Variants in PRKAG2 observed in about 807,000 individuals in gnomAD.
PRKAG2 encodes the protein protein kinase AMP-activated non-catalytic subunit gamma 2.
In PRKAG2, 26 loss-of-function variants were observed where a neutral mutation model predicts 69.6. That is an observed-to-expected ratio of 0.37 (90% CI 0.27 to 0.52). The LOEUF is 0.52. PRKAG2 is among the 20% of genes least tolerant of loss of function. The pLI is 0.90. For missense variants in PRKAG2, 557 were observed against 740.0 expected (o/e 0.75, Z 2.87); for synonymous variants, 293 against 285.0 (o/e 1.03, Z -0.28).
At chr7:151,590,051 T>C (rs1035995691) in intron 6 of PRKAG2, among the ~76,000 whole-genome samples, 1 of 152,210 alleles carries the variant, frequency 6.6e-6, no homozygotes, top group African/African-American at 2.4e-5. Context: ...TCTTTGTCAG[T>C]GGGAAATCAG....
At chr7:151,782,442 A>G (rs2076768239) in intron 2 of PRKAG2, among the ~76,000 whole-genome samples, 1 of 151,944 alleles carries the variant, frequency 6.6e-6, no homozygotes, top group Non-Finnish European at 1.5e-5. Flanking sequence ...AGAAGGAAAG[A>G]AGGAAGTTAA....
chr7:151,569,584 T>A (rs748121582), intron 10 of PRKAG2, among the ~76,000 whole-genome samples: 1 of 152,264 alleles, frequency 6.6e-6, no homozygotes, highest in Non-Finnish European at 1.5e-5. Context: ...AAGGTTGTTA[T>A]ACCTTTTTGT....
intron 3 of PRKAG2, among the ~76,000 whole-genome samples, chr7:151,721,754 C>T (rs1752392075): frequency 6.6e-6 from 1 of 152,134 alleles, no homozygotes; most frequent in East Asian, 1.9e-4. Flanking sequence ...GGCCAACGTC[C>T]CATCAAGCAT....
chr7:151,805,114 A>G (rs2078036939), intron 1 of PRKAG2, among the ~76,000 whole-genome samples: 2 of 152,212 alleles, frequency 1.3e-5, no homozygotes, highest in African/African-American at 2.4e-5. Flanking sequence ...GAGTTGGGGC[A>G]GCTGTGCTCA....
At chr7:151,680,088 C>T (rs893114262) in intron 3 of PRKAG2, among the ~76,000 whole-genome samples, 11 of 152,182 alleles carry the variant, frequency 7.2e-5, no homozygotes, top group Admixed American at 6.5e-4. Flanking sequence ...CCAAACTGCA[C>T]CCATGCAGGC....
In PRKAG2 at chr7:151,600,570, A is replaced by G. The variant is rs1354279023; in HGVS notation, c.755-5116T>C. Among the ~76,000 whole-genome samples, 3 of 152,146 alleles carry G rather than the reference A, an allele frequency of 2.0e-5. No individual in the cohort carries two copies. In the East Asian group the frequency reaches 5.8e-4, roughly 29 times the overall value. On this transcript the variant is annotated intron_variant, in intron 5 of 15. Coordinates refer to ENST00000287878, the MANE Select transcript of PRKAG2 (RefSeq NM_016203.4). ...ACTGCCTCCTGGATATTTCTCTCTC[A>G]AATGTCTCCCTCCTGATGTGGAATA...
chr7:151,607,411 C>A (rs571440936), intron 5 of PRKAG2, among the ~76,000 whole-genome samples: 1 of 152,030 alleles, frequency 6.6e-6, no homozygotes, highest in Non-Finnish European at 1.5e-5. Context: ...ACTACAGATG[C>A]CTGCCATTAC....
intron 5 of PRKAG2, among the ~76,000 whole-genome samples, chr7:151,610,632 G>A (rs569425613): frequency 2.6e-5 from 4 of 151,216 alleles, no homozygotes; most frequent in South Asian, 4.2e-4. Context: ...AACTGATATC[G>A]CGCCACTGCA....
At chr7:151,784,387 C>T (rs1474464783) in intron 2 of PRKAG2, among the ~76,000 whole-genome samples, 1 of 152,134 alleles carries the variant, frequency 6.6e-6, no homozygotes, top group African/African-American at 2.4e-5. Flanking sequence ...GGGAGCGGGG[C>T]CCCAGGAGAG....
intron 3 of PRKAG2, among the ~76,000 whole-genome samples, chr7:151,723,718 C>G (rs1259254464): frequency 6.6e-6 from 1 of 152,194 alleles, no homozygotes; most frequent in Non-Finnish European, 1.5e-5. Context: ...GCGCTGGGCT[C>G]CCTCACCACA....
chr7:151,848,662 T>C (rs1486346496), intron 1 of PRKAG2, among the ~76,000 whole-genome samples: 1 of 151,716 alleles, frequency 6.6e-6, no homozygotes, highest in African/African-American at 2.4e-5. Flanking sequence ...GTAGCTGGGA[T>C]TACAGGCCCC....
At chr7:151,584,721 A>G (rs966360132) in intron 6 of PRKAG2, among the ~76,000 whole-genome samples, 3 of 151,972 alleles carry the variant, frequency 2.0e-5, no homozygotes, top group African/African-American at 7.3e-5. Context: ...ACATAGCAAA[A>G]CCCTGCCTCT....
At chr7:151,862,550 ATT>A (rs1487032183) in intron 1 of PRKAG2, among the ~76,000 whole-genome samples, 2 of 151,994 alleles carry the variant, frequency 1.3e-5, no homozygotes, top group African/African-American at 4.8e-5. Flanking sequence ...CATCATCATC[ATT>A]GTCAACATTC....
intron 8 of PRKAG2, among the ~76,000 whole-genome samples, chr7:151,573,951 G>A (rs1361233988): frequency 6.6e-6 from 1 of 152,036 alleles, no homozygotes; most frequent in Non-Finnish European, 1.5e-5. Context: ...GCTAATTTTT[G>A]TATTTTTAGT....
At chr7:151,582,146 C>T (rs532883177) in intron 6 of PRKAG2, among the ~76,000 whole-genome samples, 6 of 152,070 alleles carry the variant, frequency 3.9e-5, no homozygotes, top group South Asian at 2.1e-4. Flanking sequence ...ACAGAGGGAT[C>T]GATGTATGTA....
intron 1 of PRKAG2, among the ~76,000 whole-genome samples, chr7:151,845,354 T>C (rs1444005484): frequency 6.6e-6 from 1 of 152,180 alleles, no homozygotes; most frequent in Non-Finnish European, 1.5e-5. Context: ...CCTGGCCCAG[T>C]GGTCCTCAGA....
intron 1 of PRKAG2, among the ~76,000 whole-genome samples, chr7:151,821,257 T>C (rs2078772522): frequency 6.6e-6 from 1 of 152,190 alleles, no homozygotes. Flanking sequence ...TCCTTGCATT[T>C]TGTAAGGCCC....
chr7:151,671,171 CAAAAAAAAA>C (rs11296795), intron 4 of PRKAG2, among the ~76,000 whole-genome samples: 4 of 55,416 alleles, frequency 7.2e-5, no homozygotes, highest in Admixed American at 2.9e-4. Flanking sequence ...TAGACTGTCT[CAAAAAAAAA>C]AAAAAAAAAA....
intron 5 of PRKAG2, among the ~76,000 whole-genome samples, chr7:151,617,575 T>C (rs1308175277): frequency 6.6e-6 from 1 of 152,196 alleles, no homozygotes; most frequent in Non-Finnish European, 1.5e-5. Flanking sequence ...TGTTGTTACA[T>C]AATATTAGAA....
Sources: gnomAD v4.1 joint callset for allele counts (sites outside exome capture counted in the v4.1 genomes callset) on GRCh38, gnomAD v4.1.1 for gene constraint, MANE v1.5 for transcripts, NCBI Gene and HGNC (gene_info 2026-07-23, HGNC 2026-07-21) for gene names.